The following CPM variants were observed in gnomAD, a reference collection of about 807,000 sequenced individuals.
CPM encodes renal carboxypeptidase.
Under a neutral mutation model 46.4 loss-of-function variants are expected in CPM, and 35 were observed. The ratio of observed to expected loss-of-function variants is 0.75; its 90% CI spans 0.58 to 1.00. CPM has a LOEUF of 1.00. CPM is among the 50% of genes least tolerant of loss of function. The pLI is 0.00. For missense variants in CPM, 422 were observed against 530.4 expected (o/e 0.80, Z 2.01); for synonymous variants, 195 against 195.3 (o/e 1.00, Z 0.01).
intron 1 of CPM, among the ~76,000 whole-genome samples, chr12:68,962,244 A>T (rs1014498398): frequency 3.3e-5 from 5 of 151,836 alleles, no homozygotes; most frequent in African/African-American, 1.2e-4. Context: ...CACACATAAC[A>T]CAGAATTTAC....
At chr12:68,909,334 T>C (rs1308585891) in intron 2 of CPM, among the ~76,000 whole-genome samples, 1 of 152,226 alleles carries the variant, frequency 6.6e-6, no homozygotes, top group East Asian at 1.9e-4. Flanking sequence ...ACTGTAGGTG[T>C]GTACCACCAT....
intron 2 of CPM, among the ~76,000 whole-genome samples, chr12:68,907,366 G>A (rs1029458167): frequency 4.6e-5 from 7 of 151,438 alleles, no homozygotes; most frequent in Non-Finnish European, 2.9e-5. Context: ...CACTGCCTGT[G>A]GGACTATGGG....
chr12:68,930,212 C>T (rs1205121953), intron 2 of CPM, among the ~76,000 whole-genome samples: 3 of 152,148 alleles, frequency 2.0e-5, no homozygotes, highest in East Asian at 1.9e-4. Context: ...TCTCTAGTAG[C>T]GGGAACCACA....
intron 2 of CPM, among the ~76,000 whole-genome samples, chr12:68,910,001 T>TGAA (rs745570335): frequency 9.3e-5 from 14 of 150,356 alleles, no homozygotes; most frequent in African/African-American, 2.5e-4. Context: ...ATAATAATAA[T>TGAA]GAAGAAGAAG....
At chr12:68,864,157 C>T (rs933683022) in intron 7 of CPM, among the ~76,000 whole-genome samples, 1 of 152,132 alleles carries the variant, frequency 6.6e-6, no homozygotes, top group Admixed American at 6.6e-5. Flanking sequence ...AAACCTAATG[C>T]AAATGGGCTG....
In CPM at chr12:68,883,962, T is replaced by G. The variant is rs192679806; in HGVS notation, c.258+1830A>C. On this transcript the variant is annotated intron_variant, in intron 3 of 8. Transcript: ENST00000551568. ...AAAAAAAAAAAATACAAAAAAAAAT[T>G]AGCTGGGCATAGTGGTGCATGCCTG... Among the ~76,000 whole-genome samples, 1,146 of 149,540 alleles carry G rather than the reference T, an allele frequency of 7.7e-3. 3 individuals are homozygous for G. The highest frequency in any genetic ancestry group is 0.012 in the Non-Finnish European group (797 of 67,492).
At chr12:68,892,508 C>A (rs1185525092) in intron 2 of CPM, among the ~76,000 whole-genome samples, 2 of 152,182 alleles carry the variant, frequency 1.3e-5, no homozygotes, top group Admixed American at 1.3e-4. Context: ...TGGGATCAGG[C>A]TGCTAGGTGT....
downstream of CPM, chr12:68,847,283 G>C (rs12811395): frequency 0.071 from 10,053 of 142,278 alleles, 489 homozygotes; most frequent in African/African-American, 0.13. Flanking sequence ...AGCAATCCTC[G>C]TGTCTTGACC....
At chr12:68,848,906 T>C (rs966026826), downstream of CPM, 1 of 151,626 alleles carries the variant, frequency 6.6e-6, no homozygotes, top group African/African-American at 2.4e-5. Flanking sequence ...AGAGGCAGGG[T>C]TTCACTATAT....
chr12:68,921,246 A>T (rs1027131300), intron 2 of CPM, among the ~76,000 whole-genome samples: 1 of 150,654 alleles, frequency 6.6e-6, no homozygotes, highest in Non-Finnish European at 1.5e-5. Flanking sequence ...GGTTCAAGCG[A>T]TTCTCCTGCC....
intron 2 of CPM, among the ~76,000 whole-genome samples, chr12:68,907,727 G>A (rs192240013): frequency 6.6e-6 from 1 of 152,294 alleles, no homozygotes; most frequent in East Asian, 1.9e-4. Context: ...AATCTAAAAA[G>A]TGTTAATTAA....
At chr12:68,895,417 A>G (rs1886831724) in intron 2 of CPM, among the ~76,000 whole-genome samples, 2 of 152,216 alleles carry the variant, frequency 1.3e-5, no homozygotes, top group African/African-American at 4.8e-5. Context: ...CAGGGAGCAG[A>G]GTCACAACTG....
In CPM at chr12:68,856,533, C is replaced by T; in HGVS notation, c.1236G>A (p.Met412Ile). The T allele has an allele frequency of 1.9e-6, 3 of 1,614,238 alleles. No homozygotes were observed. Among genetic ancestry groups the T allele is most frequent in the Non-Finnish European group, 2.5e-6 (3 of 1,180,040 alleles). The stretch of plus-strand genomic sequence containing the variant: ...CTGGCAAATTTCTGTATAGAGGAAT[C>T]ATTGGGCATGAAGGATTTGATACTG... ...SIPVSNPSCPMIPLYRNLPDH... is the reference protein window; with the variant it reads ...SIPVSNPSCPIIPLYRNLPDH... Residue 412 changes from methionine (M) to isoleucine (I), a missense_variant, in exon 9 of 9, where the codon ATG (methionine) becomes ATA (isoleucine). Transcript: ENST00000551568.
chr12:68,850,436 TA>T (rs1474975991), downstream of CPM: 1 of 152,240 alleles, frequency 6.6e-6, no homozygotes, highest in Non-Finnish European at 1.5e-5. Flanking sequence ...CGTCACTTTT[TA>T]AAAATTGGTA....
chr12:68,953,988 G>T (rs546940856), intron 1 of CPM, among the ~76,000 whole-genome samples: 1 of 152,310 alleles, frequency 6.6e-6, no homozygotes, highest in Admixed American at 6.5e-5. Context: ...TTCCCAGCCA[G>T]ATTTTCTATT....
At chr12:68,902,125 G>C (rs140273325) in intron 2 of CPM, among the ~76,000 whole-genome samples, 4 of 152,014 alleles carry the variant, frequency 2.6e-5, no homozygotes, top group Non-Finnish European at 5.9e-5. Flanking sequence ...TCCAAGGAGA[G>C]GTAAATATGA....
intron 2 of CPM, among the ~76,000 whole-genome samples, chr12:68,920,518 T>C (rs749834800): frequency 2.6e-5 from 4 of 152,160 alleles, no homozygotes; most frequent in Non-Finnish European, 4.4e-5. Context: ...CAACAGTTCA[T>C]CTGTGTATTT....
chr12:68,884,967 G>C (rs917875822), intron 3 of CPM, among the ~76,000 whole-genome samples: 5 of 152,138 alleles, frequency 3.3e-5, no homozygotes, highest in Admixed American at 2.0e-4. Context: ...TTTTTTAGAT[G>C]GAGTCTCACT....
At chr12:68,935,767 A>G (rs1028086644), upstream of CPM, among the ~76,000 whole-genome samples, 2 of 152,054 alleles carry the variant, frequency 1.3e-5, no homozygotes, top group Admixed American at 1.3e-4. Context: ...GCTTGAGAAG[A>G]TTAAATTTAG....
Sources: allele counts gnomAD v4.1 joint callset (sites outside exome capture counted in the v4.1 genomes callset), GRCh38; gene constraint gnomAD v4.1.1; transcripts MANE v1.5; gene names NCBI Gene and HGNC (gene_info 2026-07-23, HGNC 2026-07-21).